OR8G5: variants seen among roughly 807,000 people sequenced by gnomAD.
OR8G5 encodes olfactory receptor 8G5.
For missense variants in OR8G5, 347 were observed against 371.9 expected, an observed-to-expected ratio of 0.93 and a Z score of 0.55; for synonymous variants, 147 against 147.7, an observed-to-expected ratio of 1.00 and a Z score of 0.03.
chr11:124,261,272 C>T (rs573653331), intron 1 of OR8G5, among the ~76,000 whole-genome samples: 4 of 151,858 alleles, frequency 2.6e-5, no homozygotes, highest in African/African-American at 9.6e-5. Flanking sequence ...ATATGTTTTG[C>T]TTTATATTTT....
At chr11:124,257,963 CTCTT>C (rs1052976760) in intron 1 of OR8G5, among the ~76,000 whole-genome samples, 2 of 152,128 alleles carry the variant, frequency 1.3e-5, no homozygotes, top group African/African-American at 4.8e-5. Context: ...CCTCTCTTCT[CTCTT>C]AGGAGAGTCC....
Position 124,264,975 on chromosome 11 carries a change from T to C in OR8G5, c.44T>C (p.Val15Ala), listed in dbSNP as rs1305563936. ...NHSFVTKFIL[V>A]GLTEKSELQL... ...TCTTTTGTGACTAAGTTTATTCTGGTTGGGCTAACAGAGAAGTCAGAGCTA... is the reference window on the plus strand; with the variant it reads ...TCTTTTGTGACTAAGTTTATTCTGGCTGGGCTAACAGAGAAGTCAGAGCTA... Residue 15 changes from valine (V) to alanine (A), a missense_variant, in exon 2 of 2, where the codon GTT (valine) becomes GCT (alanine). Transcript: ENST00000641992. The C allele has an allele frequency of 6.2e-7, 1 of 1,613,958 alleles. No individual in the cohort carries two copies. Among genetic ancestry groups the C allele is most frequent in the Non-Finnish European group, 8.5e-7 (1 of 1,179,874 alleles).
chr11:124,260,216 C>T (rs1012678941), intron 1 of OR8G5, among the ~76,000 whole-genome samples: 1 of 151,844 alleles, frequency 6.6e-6, no homozygotes, highest in Admixed American at 6.6e-5. Context: ...TTTCAGTATA[C>T]ACCATAGAAT....
intron 1 of OR8G5, among the ~76,000 whole-genome samples, chr11:124,262,597 T>A (rs1861982484): frequency 6.6e-6 from 1 of 152,000 alleles, no homozygotes; most frequent in Non-Finnish European, 1.5e-5. Context: ...GTTTTTGAGA[T>A]CCATGTTAAA....
intron 1 of OR8G5, among the ~76,000 whole-genome samples, chr11:124,263,706 A>C (rs1238346073): frequency 7.0e-6 from 1 of 142,268 alleles, no homozygotes; most frequent in Non-Finnish European, 1.6e-5. Context: ...GGATTTTATC[A>C]GTTGTTTTTC....
chr11:124,257,059 A>C (rs1861920628), intron 1 of OR8G5, among the ~76,000 whole-genome samples: 1 of 152,248 alleles, frequency 6.6e-6, no homozygotes, highest in Non-Finnish European at 1.5e-5. Flanking sequence ...ACAAAAAGTC[A>C]GACAGCTAAG....
chr11:124,258,269 AT>A (rs1316031706), intron 1 of OR8G5, among the ~76,000 whole-genome samples: 1 of 152,060 alleles, frequency 6.6e-6, no homozygotes, highest in African/African-American at 2.4e-5. Context: ...TAAAAAAGAC[AT>A]TCATGGCCAG....
chr11:124,265,071 C>G lies in OR8G5; in HGVS notation c.140C>G (p.Thr47Arg). The G allele has an allele frequency of 6.2e-7, 1 of 1,614,112 alleles. No individual in the cohort carries two copies. The highest frequency in any genetic ancestry group is 8.5e-7 in the Non-Finnish European group (1 of 1,180,014). Reference protein sequence around the residue: ...VTVLGNLGMITLIGLSSHLHT... With the variant: ...VTVLGNLGMIRLIGLSSHLHT... ...GTGCTGGGGAACCTGGGCATGATCA[C>G]ACTGATTGGGCTCAGTTCTCACCTG... Residue 47 changes from threonine (T) to arginine (R), a missense_variant, in exon 2 of 2, where the codon ACA (threonine) becomes AGA (arginine). Coordinates refer to ENST00000641992, the MANE Select transcript of OR8G5 (RefSeq NM_001005198.2).
chr11:124,262,829 T>G (rs1861986533), intron 1 of OR8G5, among the ~76,000 whole-genome samples: 1 of 152,140 alleles, frequency 6.6e-6, no homozygotes, highest in Non-Finnish European at 1.5e-5. Flanking sequence ...TACATTTTTC[T>G]TGGGTAAATA....
intron 1 of OR8G5, among the ~76,000 whole-genome samples, chr11:124,258,543 A>G (rs138764925): frequency 6.6e-6 from 1 of 152,064 alleles, no homozygotes; most frequent in Non-Finnish European, 1.5e-5. Flanking sequence ...GGGCAACAAG[A>G]GCGAGCGAGA....
chr11:124,262,873 TGTTTAA>T (rs957885347), intron 1 of OR8G5, among the ~76,000 whole-genome samples: 4 of 152,172 alleles, frequency 2.6e-5, no homozygotes, highest in African/African-American at 7.2e-5. Flanking sequence ...ATTTAATGTC[TGTTTAA>T]GTTTATAAGA....
chr11:124,264,400 ATGT>A (rs1165419142), intron 1 of OR8G5, among the ~76,000 whole-genome samples: 1 of 152,196 alleles, frequency 6.6e-6, no homozygotes, highest in Non-Finnish European at 1.5e-5. Context: ...ATCATTGTAA[ATGT>A]TGTTTCATTT....
intron 1 of OR8G5, 86 bp from the exon 2 acceptor site, chr11:124,264,832 C>G: frequency 5.2e-6 from 8 of 1,538,290 alleles, no homozygotes; most frequent in Non-Finnish European, 7.2e-6. Context: ...GTTAAATGAT[C>G]ATATATAAAC....
chr11:124,260,590 T>C (rs1017690625), intron 1 of OR8G5, among the ~76,000 whole-genome samples: 15 of 151,892 alleles, frequency 9.9e-5, no homozygotes, highest in East Asian at 5.8e-4. Context: ...AATTGAATTA[T>C]GTTAAATCTA....
intron 1 of OR8G5, among the ~76,000 whole-genome samples, chr11:124,262,315 A>C (rs987631376): frequency 6.6e-6 from 1 of 151,882 alleles, no homozygotes; most frequent in Non-Finnish European, 1.5e-5. Context: ...AAAATTTTGC[A>C]TAGCCTACAA....
intron 1 of OR8G5, among the ~76,000 whole-genome samples, chr11:124,257,541 T>C (rs1861925704): frequency 6.6e-6 from 1 of 152,078 alleles, no homozygotes; most frequent in African/African-American, 2.4e-5. Context: ...GGACAAGTTA[T>C]GGAAGGTGAG....
At position 124,265,866 on chromosome 11, in the gene OR8G5, G is replaced by T; in HGVS notation, c.935G>T (p.Ter312LeuextTer5). Residue 312 changes from the stop codon to leucine (L), a stop_lost, in exon 2 of 2, where the codon TGA becomes TTA. Coordinates refer to ENST00000641992, the MANE Select transcript of OR8G5 (RefSeq NM_001005198.2). ...ACGCTAGGGAAAAGAACATTCTTAT[G>T]AACAGAAGTACAATGAAAAAGATTG... ...KKTLGKRTFL[*>L] 6.2e-7 allele frequency: 1 copy of T among 1,604,718 alleles called. No homozygotes were observed. Among genetic ancestry groups the T allele is most frequent in the Non-Finnish European group, 8.5e-7 (1 of 1,174,886 alleles).
rs1275922854 is a variant in OR8G5, at chr11:124,264,779, A to C, written c.-14-139A>C. On this transcript the variant is annotated intron_variant, in intron 1 of 1. Transcript: ENST00000641992. ...GTTACTAGAAAATAAAGATTACTACATGCTAAATTGGGATAAATTATGATT... is the reference window on the plus strand; with the variant it reads ...GTTACTAGAAAATAAAGATTACTACCTGCTAAATTGGGATAAATTATGATT... 7.8e-6 allele frequency: 8 copies of C among 1,025,186 alleles called. No individual in the cohort carries two copies. In the Admixed American group the frequency reaches 1.9e-4, roughly 24 times the overall value. The allele number at this position is 1,025,186 out of a possible 1,614,324, so 63.5% of individuals were successfully genotyped here.
rs775946628 is a variant in OR8G5 at position 124,265,714 on chromosome 11, G to T, written c.783G>T (p.Gln261His). The T allele has an allele frequency of 3.1e-6, 5 of 1,614,026 alleles. No individual in the cohort carries two copies. In the South Asian group the frequency reaches 4.4e-5, roughly 14 times the overall value. The change falls in exon 2 of 2, where the codon CAG becomes CAT. Residue 261 changes from glutamine (Q) to histidine (H), a missense_variant. Coordinates refer to ENST00000641992, the MANE Select transcript of OR8G5 (RefSeq NM_001005198.2). ...GGTCTGCAGCATTCATGTACCTGCA[G>T]CCATCATCTGTCAGCTCCATGGACC... ...FFGSAAFMYLQPSSVSSMDQG... is the reference protein window; with the variant it reads ...FFGSAAFMYLHPSSVSSMDQG...
Sources: gnomAD v4.1 joint callset for allele counts (sites outside exome capture counted in the v4.1 genomes callset) on GRCh38, gnomAD v4.1.1 for gene constraint, MANE v1.5 for transcripts, NCBI Gene and HGNC (gene_info 2026-07-23, HGNC 2026-07-21) for gene names.